SHTN1: variants seen among roughly 807,000 people sequenced by gnomAD.
SHTN1 encodes the protein shootin 1, also known as shootin-1.
In SHTN1, 42 loss-of-function variants were observed where a neutral mutation model predicts 83.1. That is an observed-to-expected ratio of 0.51 (90% CI 0.39 to 0.65). The LOEUF is 0.65. Ranked by LOEUF, SHTN1 falls within the 30% of genes least tolerant of loss-of-function variation. SHTN1 has a pLI of 0.00. For missense variants in SHTN1, 622 were observed against 737.8 expected (o/e 0.84, Z 1.82); for synonymous variants, 224 against 247.7 (o/e 0.90, Z 0.90).
intron 2 of SHTN1, among the ~76,000 whole-genome samples, chr10:117,011,242 G>C (rs1852098456): frequency 6.6e-6 from 1 of 152,144 alleles, no homozygotes; most frequent in Non-Finnish European, 1.5e-5. Flanking sequence ...TTAAGTTTAG[G>C]TCTTTGGTCC....
At chr10:117,017,307 C>G (rs549740389) in intron 2 of SHTN1, among the ~76,000 whole-genome samples, 9 of 151,932 alleles carry the variant, frequency 5.9e-5, no homozygotes, top group Middle Eastern at 6.8e-3. Context: ...CTGGCTAACA[C>G]GGTGAAACCC....
rs1303285518 is a variant in SHTN1, at chr10:116,884,641, A to C, written c.*1703T>G. The C allele has an allele frequency of 1.2e-5, 2 of 167,782 alleles. No individual in the cohort carries two copies. The highest frequency in any genetic ancestry group is 2.6e-5 in the Non-Finnish European group (2 of 76,330). 10.4% of individuals were successfully genotyped at this position (167,782 alleles called of 1,614,324 possible). A position where few individuals can be genotyped will look rare whatever the true frequency, so the allele number is the denominator to read the frequency against. On this transcript the variant is annotated 3_prime_UTR_variant, in exon 17 of 17. Transcript: ENST00000355371. Reference sequence around the variant, plus strand: ...AGACAGATCACAGATGCAAGAAGGAAGACAGCACAAAGAAACATGAAAGAA... The same window carrying C: ...AGACAGATCACAGATGCAAGAAGGACGACAGCACAAAGAAACATGAAAGAA...
chr10:116,920,701 C>T (rs964252429), intron 12 of SHTN1, among the ~76,000 whole-genome samples: 3 of 152,124 alleles, frequency 2.0e-5, no homozygotes, highest in Non-Finnish European at 4.4e-5. Flanking sequence ...CCTTGACCTC[C>T]AGAATCTGGC....
At chr10:116,951,312 A>C (rs1849767936) in intron 6 of SHTN1, among the ~76,000 whole-genome samples, 1 of 152,074 alleles carries the variant, frequency 6.6e-6, no homozygotes, top group African/African-American at 2.4e-5. Context: ...ACTCTCAGCT[A>C]TTTGGGAGGC....
intron 2 of SHTN1, among the ~76,000 whole-genome samples, chr10:117,023,469 T>C (rs1852290343): frequency 6.6e-6 from 1 of 152,202 alleles, no homozygotes; most frequent in African/African-American, 2.4e-5. Flanking sequence ...AAGTACTTTG[T>C]AAAAAGTTAT....
Position 117,046,146 on chromosome 10 carries a change from G to A in SHTN1, c.-123+2299C>T, listed in dbSNP as rs201035974. Among the ~76,000 whole-genome samples, 4 of 151,986 alleles carry A rather than the reference G, an allele frequency of 2.6e-5. No individual in the cohort carries two copies. In the East Asian group the frequency reaches 7.7e-4, roughly 29 times the overall value. On this transcript the variant is annotated intron_variant, in intron 2 of 17. Coordinates refer to the SHTN1 transcript ENST00000392901. ...CAAAATTAATGACAGACACAATGCT[G>A]TAGATCCAGGAAGCTCAGAGAACAC...
At chr10:116,951,310 C>T (rs1299817610) in intron 6 of SHTN1, among the ~76,000 whole-genome samples, 1 of 152,132 alleles carries the variant, frequency 6.6e-6, no homozygotes, top group Non-Finnish European at 1.5e-5. Flanking sequence ...GTACTCTCAG[C>T]TATTTGGGAG....
chr10:117,032,939 C>T (rs1402833832), intron 2 of SHTN1, among the ~76,000 whole-genome samples: 1 of 152,038 alleles, frequency 6.6e-6, no homozygotes, highest in East Asian at 1.9e-4. Flanking sequence ...CCTGAATGAC[C>T]AGTGGGTCAA....
intron 1 of SHTN1, among the ~76,000 whole-genome samples, chr10:117,106,500 T>A (rs1027389278): frequency 3.3e-5 from 5 of 152,096 alleles, no homozygotes; most frequent in African/African-American, 1.2e-4. Flanking sequence ...TGTCCTATGT[T>A]GAGACCAGAG....
chr10:117,031,174 G>T (rs556082728), intron 2 of SHTN1, among the ~76,000 whole-genome samples: 2 of 152,206 alleles, frequency 1.3e-5, no homozygotes, highest in East Asian at 3.9e-4. Context: ...CTTTTTGGTG[G>T]AAACCTTACA....
chr10:116,927,979 C>T (rs1848808364), intron 10 of SHTN1, 88 bp from the exon 11 acceptor site: 1 of 1,471,642 alleles, frequency 6.8e-7, no homozygotes. Context: ...TAACCTTTCT[C>T]AAAAGTAAGT....
intron 16 of SHTN1, among the ~76,000 whole-genome samples, chr10:116,887,249 G>A (rs1847193945): frequency 1.3e-5 from 2 of 152,172 alleles, no homozygotes; most frequent in African/African-American, 4.8e-5. Flanking sequence ...GTTTTCCACA[G>A]ACTCCTTCTC....
At chr10:116,965,876 C>T (rs2133452120) in intron 3 of SHTN1, among the ~76,000 whole-genome samples, 1 of 152,324 alleles carries the variant, frequency 6.6e-6, no homozygotes, top group African/African-American at 2.4e-5. Flanking sequence ...ATGCTCTTCA[C>T]TGGTGATAAA....
At chr10:116,922,123 G>T (rs1186610290) in intron 11 of SHTN1, among the ~76,000 whole-genome samples, 1 of 152,034 alleles carries the variant, frequency 6.6e-6, no homozygotes, top group South Asian at 2.1e-4. Context: ...AAATTCTACA[G>T]ATCAATGAGA....
At chr10:117,005,710 G>C, upstream of SHTN1, 1 of 384,480 alleles carries the variant, frequency 2.6e-6, no homozygotes, top group Non-Finnish European at 3.6e-6. Context: ...GACAAGGATC[G>C]AATCAGGCCG....
chr10:116,993,585 T>C (rs773722533), intron 1 of SHTN1, among the ~76,000 whole-genome samples: 34 of 152,164 alleles, frequency 2.2e-4, no homozygotes, highest in Non-Finnish European at 3.4e-4. Context: ...TTTAGAGTTC[T>C]TGCTTGGGTA....
At chr10:116,983,843 A>G (rs1013386293) in intron 1 of SHTN1, among the ~76,000 whole-genome samples, 5 of 152,168 alleles carry the variant, frequency 3.3e-5, no homozygotes, top group African/African-American at 1.2e-4. Flanking sequence ...TGGAAGAAAA[A>G]GGAAGATGGT....
At chr10:116,973,821 C>A in intron 2 of SHTN1, 1 of 1,200,250 alleles carries the variant, frequency 8.3e-7, no homozygotes, top group Non-Finnish European at 1.1e-6. Context: ...TTAAACATGC[C>A]CAGCATCAGA....
At chr10:116,905,702 G>A (rs115477352) in intron 15 of SHTN1, among the ~76,000 whole-genome samples, 1,922 of 152,186 alleles carry the variant, frequency 0.013, 50 homozygotes, top group African/African-American at 0.045. Flanking sequence ...AAACTGTTAC[G>A]ATAGACTACT....
Sources: gnomAD v4.1 joint callset for allele counts (sites outside exome capture counted in the v4.1 genomes callset) on GRCh38, gnomAD v4.1.1 for gene constraint, MANE v1.5 for transcripts, NCBI Gene and HGNC (gene_info 2026-07-23, HGNC 2026-07-21) for gene names.